The following IL12RB1 variants were observed in gnomAD, a reference collection of about 807,000 sequenced individuals.
IL12RB1 encodes interleukin-12 receptor subunit beta-1.
Under a neutral mutation model 94.4 loss-of-function variants are expected in IL12RB1, and 64 were observed. The ratio of observed to expected loss-of-function variants is 0.68; its 90% CI spans 0.55 to 0.83. The LOEUF (loss-of-function observed/expected upper bound fraction) is 0.83, where lower values mean the gene tolerates loss of function less well. Among genes scored for constraint, IL12RB1 ranks in the 40% least tolerant of loss-of-function variants. The pLI, the probability that IL12RB1 is intolerant of heterozygous loss-of-function variation, is 0.00. For missense variants in IL12RB1, 814 were observed against 855.6 expected, an observed-to-expected ratio of 0.95 and a Z score of 0.61; for synonymous variants, 362 against 355.5, an observed-to-expected ratio of 1.02 and a Z score of -0.21.
chr19:18,076,330 A>T lies in IL12RB1; in HGVS notation c.550-3T>A. Reference sequence around the variant, plus strand: ...TCATCCTGAGGTCCGCAGTCGCCCTAGAATAAAAACATATTCATATATTGT... The same window carrying T: ...TCATCCTGAGGTCCGCAGTCGCCCTTGAATAAAAACATATTCATATATTGT... On this transcript the variant is annotated splice_polypyrimidine_tract_variant and splice_region_variant and intron_variant, in intron 5 of 16. Coordinates refer to ENST00000593993, the MANE Select transcript of IL12RB1 (RefSeq NM_005535.3). 1 of 1,386,716 alleles carries T rather than the reference A, an allele frequency of 7.2e-7. No homozygotes were observed. The highest frequency in any genetic ancestry group is 1.0e-6 in the Non-Finnish European group (1 of 972,424). The allele number at this position is 1,386,716 out of a possible 1,614,324, so 85.9% of individuals were successfully genotyped here. A position where few individuals can be genotyped will look rare whatever the true frequency, so the allele number is the denominator to read the frequency against.
At chr19:18,072,840 G>A (rs920953315) in intron 8 of IL12RB1, among the ~76,000 whole-genome samples, 2 of 151,462 alleles carry the variant, frequency 1.3e-5, no homozygotes, top group Non-Finnish European at 2.9e-5. Flanking sequence ...CCAGCTACTC[G>A]GGAGGCTGAG....
At chr19:18,080,055 CT>C (rs949769363) in intron 4 of IL12RB1, among the ~76,000 whole-genome samples, 2 of 151,156 alleles carry the variant, frequency 1.3e-5, no homozygotes, top group Non-Finnish European at 1.5e-5. Context: ...TTTCTTTTTT[CT>C]TTTTTTTCTT....
chr19:18,079,987 A>T (rs1225848708), intron 4 of IL12RB1, among the ~76,000 whole-genome samples: 7 of 152,160 alleles, frequency 4.6e-5, no homozygotes, highest in Non-Finnish European at 8.8e-5. Context: ...ACTCAGCGTA[A>T]TGTCCTCCAG....
upstream of IL12RB1, among the ~76,000 whole-genome samples, chr19:18,088,419 C>T (rs1485034099): frequency 1.7e-5 from 2 of 116,842 alleles, no homozygotes; most frequent in African/African-American, 3.3e-5. Context: ...TAAAAGTTAG[C>T]CAGTCGTGGT....
In IL12RB1 at chr19:18,072,493, C is replaced by A. The variant is rs116379191; in HGVS notation, c.784-144G>T. 1,181 of 678,770 alleles carry A rather than the reference C, an allele frequency of 1.7e-3. 8 individuals carry two copies. In the African/African-American group the frequency reaches 0.018, roughly 10 times the overall value. The allele number at this position is 678,770 out of a possible 1,614,324, so 42.0% of individuals were successfully genotyped here. A position where few individuals can be genotyped will look rare whatever the true frequency, so the allele number is the denominator to read the frequency against. ...CATCAAAAATTAAAAGAATAATAAA[C>A]CTCAATGCTGGCAAAGCTGCTGTGA... On this transcript the variant is annotated intron_variant, in intron 8 of 16. Coordinates refer to ENST00000593993, the MANE Select transcript of IL12RB1 (RefSeq NM_005535.3).
Position 18,082,137 on chromosome 19 carries a change from G to C in IL12RB1, c.239+13C>G. Reference sequence around the variant, plus strand: ...GGTGGGTGAGGGTTTGGGAATGGTAGAGGGGTCCTCACCAACACCGCAGGA... The same window carrying C: ...GGTGGGTGAGGGTTTGGGAATGGTACAGGGGTCCTCACCAACACCGCAGGA... On this transcript the variant is annotated intron_variant, in intron 3 of 16. Coordinates refer to ENST00000593993, the MANE Select transcript of IL12RB1 (RefSeq NM_005535.3). The C allele has an allele frequency of 6.6e-7, 1 of 1,510,700 alleles. No individual in the cohort carries two copies. The highest frequency in any genetic ancestry group is 1.1e-5 in the South Asian group (1 of 88,862). 93.6% of individuals were successfully genotyped at this position (1,510,700 alleles called of 1,614,324 possible). A position where few individuals can be genotyped will look rare whatever the true frequency, so the allele number is the denominator to read the frequency against.
upstream of IL12RB1, chr19:18,091,424 G>A (rs1231974161): frequency 2.0e-5 from 3 of 152,202 alleles, no homozygotes; most frequent in Admixed American, 6.6e-5. Context: ...ATGACGGGAG[G>A]AACCACAGCA....
At position 18,080,860 on chromosome 19, in the gene IL12RB1, A is replaced by G. The variant is rs768128258; in HGVS notation, c.381T>C (p.Pro127=). Residue 127 remains proline (P), a synonymous_variant, in exon 4 of 17, where the codon CCT becomes CCC. Transcript: ENST00000593993. ...AGTTGTAGAGCTGCAGGGTCACCTC[A>G]GGAGACTTCTCTGTCTGGTTCCTGG... ...SWARNQTEKS[P]EVTLQLYNSV... 6.2e-7 allele frequency: 1 copy of G among 1,612,242 alleles called. No individual in the cohort carries two copies. Among genetic ancestry groups the G allele is most frequent in the Non-Finnish European group, 8.5e-7 (1 of 1,178,340 alleles).
intron 1 of IL12RB1, among the ~76,000 whole-genome samples, chr19:18,096,401 C>CA (rs34703187): frequency 0.43 from 64,808 of 151,746 alleles, 14,077 homozygotes; most frequent in African/African-American, 0.5. Context: ...CAATCATCCT[C>CA]AAAAAAGAAA....
chr19:18,081,248 A>G (rs2146396966), intron 3 of IL12RB1, among the ~76,000 whole-genome samples: 1 of 152,052 alleles, frequency 6.6e-6, no homozygotes, highest in Admixed American at 6.6e-5. Context: ...GGCACATGCC[A>G]CCACATGCGT....
upstream of IL12RB1, among the ~76,000 whole-genome samples, chr19:18,087,961 C>A (rs969900061): frequency 2.0e-5 from 3 of 152,180 alleles, no homozygotes; most frequent in South Asian, 6.2e-4. Context: ...TCCCCACATG[C>A]CAAGCTCCAG....
At chr19:18,074,761 A>G (rs2035318788) in intron 7 of IL12RB1, among the ~76,000 whole-genome samples, 1 of 151,438 alleles carries the variant, frequency 6.6e-6, no homozygotes, top group South Asian at 2.1e-4. Flanking sequence ...AAAACAAAAA[A>G]TAGCAGTAGG....
chr19:18,072,858 AAT>A (rs1390742077), intron 8 of IL12RB1, among the ~76,000 whole-genome samples: 1,625 of 151,348 alleles, frequency 0.011, 37 homozygotes, highest in African/African-American at 0.037. Context: ...GAGGCAGGAG[AAT>A]GGCGTGAACC....
At chr19:18,088,632 T>G (rs1163223262), upstream of IL12RB1, among the ~76,000 whole-genome samples, 1 of 150,776 alleles carries the variant, frequency 6.6e-6, no homozygotes, top group Non-Finnish European at 1.5e-5. Context: ...TTTCTTAGCC[T>G]CTGAGTATTT....
intron 1 of IL12RB1, among the ~76,000 whole-genome samples, chr19:18,083,980 C>T (rs1213877736): frequency 6.6e-6 from 1 of 150,528 alleles, no homozygotes; most frequent in Non-Finnish European, 1.5e-5. Context: ...TTCATCCATC[C>T]ATGTATTCAT....
intron 1 of IL12RB1, among the ~76,000 whole-genome samples, chr19:18,097,267 T>C (rs1223092745): frequency 6.6e-6 from 1 of 152,178 alleles, no homozygotes; most frequent in African/African-American, 2.4e-5. Flanking sequence ...AACCTCCGCC[T>C]CTTGGATTCA....
chr19:18,082,369 T>G, intron 2 of IL12RB1, 105 bp from the exon 3 acceptor site: 4 of 735,714 alleles, frequency 5.4e-6, no homozygotes, highest in Non-Finnish European at 9.8e-6. Context: ...CACCTCAGCC[T>G]AAACCCTCCC....
At chr19:18,080,178 C>T (rs2035790758) in intron 4 of IL12RB1, among the ~76,000 whole-genome samples, 1 of 151,942 alleles carries the variant, frequency 6.6e-6, no homozygotes, top group South Asian at 2.1e-4. Context: ...GCCTCAGCCT[C>T]CTGGGTAGCT....
At chr19:18,065,562 T>TA (rs982356651) in intron 12 of IL12RB1, among the ~76,000 whole-genome samples, 4 of 152,172 alleles carry the variant, frequency 2.6e-5, no homozygotes, top group Non-Finnish European at 5.9e-5. Context: ...CTCACACCTG[T>TA]AATCCCAGCC....
Sources: allele counts gnomAD v4.1 joint callset (sites outside exome capture counted in the v4.1 genomes callset), GRCh38; gene constraint gnomAD v4.1.1; transcripts MANE v1.5; gene names NCBI Gene and HGNC (gene_info 2026-07-23, HGNC 2026-07-21).